Variants in ST18 observed in about 807,000 individuals in gnomAD.
ST18 encodes the protein suppression of tumorigenicity 18 protein.
A neutral mutation model predicts 110.0 loss-of-function variants in ST18; 50 were observed. That is an observed-to-expected ratio of 0.45 (90% confidence interval 0.36 to 0.58). The LOEUF (loss-of-function observed/expected upper bound fraction) is 0.58, where lower values mean the gene tolerates loss of function less well. Ranked by LOEUF, ST18 falls within the 20% of genes least tolerant of loss-of-function variation. The probability of loss-of-function intolerance (pLI) is 0.00; values close to 1 mark genes in which losing one functional copy is unlikely to be tolerated. For missense variants in ST18, 1,306 were observed against 1,280.1 expected, an observed-to-expected ratio of 1.02 and a Z score of -0.31; for synonymous variants, 461 against 452.4, an observed-to-expected ratio of 1.02 and a Z score of -0.24.
intron 2 of ST18, among the ~76,000 whole-genome samples, chr8:52,369,898 C>A (rs1355045466): frequency 6.6e-6 from 1 of 152,162 alleles, no homozygotes. Context: ...TTTATTTAGA[C>A]AATTGCCTGA....
intron 2 of ST18, among the ~76,000 whole-genome samples, chr8:52,287,639 G>A (rs1031975320): frequency 6.6e-6 from 1 of 152,172 alleles, no homozygotes. Flanking sequence ...TATGCAGAGT[G>A]TAAACTGTGT....
chr8:52,228,570 A>G (rs1028016093), intron 3 of ST18, among the ~76,000 whole-genome samples: 4 of 152,204 alleles, frequency 2.6e-5, no homozygotes, highest in African/African-American at 9.6e-5. Flanking sequence ...GCGGCACAGT[A>G]GTTTCTAAAT....
At chr8:52,296,350 T>G (rs537192330) in intron 2 of ST18, 2 of 152,360 alleles carry the variant, frequency 1.3e-5, no homozygotes, top group South Asian at 4.1e-4. Flanking sequence ...AAGCTGGTTC[T>G]TTGGCCCAAA....
intron 2 of ST18, among the ~76,000 whole-genome samples, chr8:52,237,547 T>C (rs529713112): frequency 1.3e-5 from 2 of 152,334 alleles, no homozygotes; most frequent in East Asian, 3.9e-4. Context: ...GGGATTGGAC[T>C]CTTGCACTAA....
chr8:52,237,974 AT>A (rs1286064792), intron 2 of ST18, among the ~76,000 whole-genome samples: 1 of 152,246 alleles, frequency 6.6e-6, no homozygotes, highest in African/African-American at 2.4e-5. Context: ...GTTCAACATC[AT>A]TAGTCATTAG....
At chr8:52,181,985 T>C (rs943891019) in intron 8 of ST18, among the ~76,000 whole-genome samples, 5 of 151,950 alleles carry the variant, frequency 3.3e-5, no homozygotes, top group Non-Finnish European at 5.9e-5. Flanking sequence ...ACTGTGTCAG[T>C]GTAGGATGAA....
At chr8:52,291,623 T>G (rs1034891036) in intron 2 of ST18, among the ~76,000 whole-genome samples, 1 of 152,196 alleles carries the variant, frequency 6.6e-6, no homozygotes, top group Admixed American at 6.5e-5. Flanking sequence ...TATTTCTATA[T>G]CTTCTTTTGA....
chr8:52,240,449 C>G (rs2093288010), intron 2 of ST18, among the ~76,000 whole-genome samples: 1 of 152,096 alleles, frequency 6.6e-6, no homozygotes, highest in Non-Finnish European at 1.5e-5. Flanking sequence ...AAAGGTGTCT[C>G]AATCTGCGTG....
chr8:52,272,290 CA>C (rs1159426914), intron 2 of ST18, among the ~76,000 whole-genome samples: 1 of 151,836 alleles, frequency 6.6e-6, no homozygotes, highest in Non-Finnish European at 1.5e-5. Flanking sequence ...ATTTGCAAGC[CA>C]AAAATATGAC....
chr8:52,284,017 T>A (rs1187791894), intron 2 of ST18, among the ~76,000 whole-genome samples: 1 of 152,158 alleles, frequency 6.6e-6, no homozygotes, highest in Non-Finnish European at 1.5e-5. Flanking sequence ...GCTTGGTTGA[T>A]TTTTTCCCCA....
intron 8 of ST18, among the ~76,000 whole-genome samples, chr8:52,195,521 AGTTT>A (rs2075926308): frequency 6.6e-6 from 1 of 152,148 alleles, no homozygotes; most frequent in Admixed American, 6.5e-5. Context: ...AAATTCACTT[AGTTT>A]ATGAATATTT....
intron 2 of ST18, among the ~76,000 whole-genome samples, chr8:52,235,667 C>G (rs2092537614): frequency 6.6e-6 from 1 of 152,046 alleles, no homozygotes; most frequent in South Asian, 2.1e-4. Context: ...ACATGTGAAG[C>G]TTAAAACAGG....
chr8:52,208,842 A>AATAAATAAATAG (rs1430578871), intron 8 of ST18, among the ~76,000 whole-genome samples: 5 of 151,912 alleles, frequency 3.3e-5, no homozygotes, highest in African/African-American at 1.2e-4. Context: ...TAAATAAATA[A>AATAAATAAATAG]ATAGATAAAT....
At chr8:52,169,312 C>CA (rs949529658) in intron 10 of ST18, among the ~76,000 whole-genome samples, 9 of 152,130 alleles carry the variant, frequency 5.9e-5, no homozygotes, top group African/African-American at 2.2e-4. Flanking sequence ...GGTGATGTTA[C>CA]ACCTTGGTTT....
At chr8:52,354,199 T>C (rs111947970) in intron 2 of ST18, among the ~76,000 whole-genome samples, 1 of 152,196 alleles carries the variant, frequency 6.6e-6, no homozygotes, top group Non-Finnish European at 1.5e-5. Flanking sequence ...CTGGAGAATT[T>C]TGAGAAGCAG....
chr8:52,163,237 C>A (rs1587427801), intron 13 of ST18, among the ~76,000 whole-genome samples: 2 of 152,098 alleles, frequency 1.3e-5, no homozygotes, highest in Admixed American at 6.5e-5. Flanking sequence ...TCTATAGAAG[C>A]AAAATATTAA....
chr8:52,387,975 G>A (rs1163296825), intron 2 of ST18, among the ~76,000 whole-genome samples: 1 of 136,708 alleles, frequency 7.3e-6, no homozygotes, highest in East Asian at 2.7e-4. Flanking sequence ...CCCCACGCCG[G>A]GCACTATTCT....
intron 2 of ST18, among the ~76,000 whole-genome samples, chr8:52,361,082 A>G (rs1227325849): frequency 2.6e-5 from 4 of 152,182 alleles, no homozygotes; most frequent in Admixed American, 2.0e-4. Flanking sequence ...TAAGCTTGTG[A>G]TGTATTTTAT....
At chr8:52,309,458 T>G (rs1413479180) in intron 2 of ST18, among the ~76,000 whole-genome samples, 1 of 147,518 alleles carries the variant, frequency 6.8e-6, no homozygotes, top group East Asian at 2.0e-4. Context: ...GAAGTGGAGT[T>G]TGCAGTGAGC....
Sources: allele counts gnomAD v4.1 joint callset (sites outside exome capture counted in the v4.1 genomes callset), GRCh38; gene constraint gnomAD v4.1.1; transcripts MANE v1.5; gene names NCBI Gene and HGNC (gene_info 2026-07-23, HGNC 2026-07-21).